The following MACROD1 variants were observed in gnomAD, a reference collection of about 807,000 sequenced individuals.
MACROD1 encodes the protein ADP-ribose glycohydrolase MACROD1.
In MACROD1, 31 loss-of-function variants were observed where a neutral mutation model predicts 41.4. The ratio of observed to expected loss-of-function variants is 0.75; its 90% CI spans 0.56 to 1.01. The LOEUF (loss-of-function observed/expected upper bound fraction) is 1.01. Ranked by LOEUF, MACROD1 falls within the 50% of genes least tolerant of loss-of-function variation. The pLI is 0.00. For missense variants in MACROD1, 473 were observed against 460.0 expected (o/e 1.03, Z -0.26); for synonymous variants, 252 against 203.4 (o/e 1.24, Z -2.03).
chr11:64,095,068 A>T (rs539861006), intron 3 of MACROD1, among the ~76,000 whole-genome samples: 1 of 152,320 alleles, frequency 6.6e-6, no homozygotes, highest in East Asian at 1.9e-4. Context: ...CAGGCTCCCA[A>T]ATGAAAAGGA....
intron 3 of MACROD1, among the ~76,000 whole-genome samples, chr11:64,085,114 G>A (rs999389993): frequency 1.3e-5 from 2 of 152,252 alleles, no homozygotes; most frequent in Non-Finnish European, 2.9e-5. Context: ...AGCCCATGCA[G>A]TGGGGCACCA....
At chr11:64,059,272 C>T (rs758714547) in intron 3 of MACROD1, among the ~76,000 whole-genome samples, 2 of 152,144 alleles carry the variant, frequency 1.3e-5, no homozygotes, top group Non-Finnish European at 2.9e-5. Flanking sequence ...TGAGAGGTGC[C>T]GCCCTGTGAA....
intron 3 of MACROD1, among the ~76,000 whole-genome samples, chr11:64,030,053 A>G (rs1269715323): frequency 2.0e-5 from 3 of 151,056 alleles, no homozygotes; most frequent in Non-Finnish European, 4.4e-5. Flanking sequence ...TGGAACAACC[A>G]CCCCCCGGGT....
chr11:64,004,847 C>T (rs1476533136), intron 4 of MACROD1, among the ~76,000 whole-genome samples: 3 of 151,700 alleles, frequency 2.0e-5, no homozygotes, highest in Non-Finnish European at 4.4e-5. Flanking sequence ...CTCAGGAGTT[C>T]GAGACCAGCC....
At chr11:64,104,534 G>A (rs1189591356) in intron 3 of MACROD1, among the ~76,000 whole-genome samples, 1 of 152,182 alleles carries the variant, frequency 6.6e-6, no homozygotes, top group Non-Finnish European at 1.5e-5. Flanking sequence ...CCCTAAAGGT[G>A]GTAGCAGTGA....
At chr11:64,025,747 G>A (rs188989929) in intron 3 of MACROD1, among the ~76,000 whole-genome samples, 16 of 140,264 alleles carry the variant, frequency 1.1e-4, no homozygotes, top group African/African-American at 4.0e-4. Flanking sequence ...AGACGGTCTC[G>A]CTCTGTTGCC....
chr11:64,152,811 A>C (rs1945603070), intron 1 of MACROD1, among the ~76,000 whole-genome samples: 1 of 152,158 alleles, frequency 6.6e-6, no homozygotes, highest in South Asian at 2.1e-4. Context: ...AGCCAGCGAC[A>C]TTATCCATCA....
chr11:64,164,918 C>T (rs943893578), intron 1 of MACROD1, among the ~76,000 whole-genome samples: 1 of 151,334 alleles, frequency 6.6e-6, no homozygotes, highest in Non-Finnish European at 1.5e-5. Context: ...TCTCTCTCTC[C>T]CCAGGCCCCA....
At chr11:64,092,104 G>A (rs7125717) in intron 3 of MACROD1, among the ~76,000 whole-genome samples, 192 of 152,320 alleles carry the variant, frequency 1.3e-3, no homozygotes, top group African/African-American at 4.2e-3. Context: ...AAAGGCCACC[G>A]TCCTTCCTGG....
chr11:64,121,147 A>G (rs1251854540), intron 3 of MACROD1, among the ~76,000 whole-genome samples: 2 of 151,964 alleles, frequency 1.3e-5, no homozygotes, highest in African/African-American at 4.8e-5. Flanking sequence ...CTCCGAGACA[A>G]GGCCTGAGTG....
chr11:64,084,177 A>G (rs765549622), intron 3 of MACROD1, among the ~76,000 whole-genome samples: 4 of 152,106 alleles, frequency 2.6e-5, no homozygotes, highest in Non-Finnish European at 5.9e-5. Flanking sequence ...GCAGTCCTGG[A>G]GGATGCTGCC....
At chr11:64,103,583 A>AT (rs1464663088) in intron 3 of MACROD1, 23 of 116,240 alleles carry the variant, frequency 2.0e-4, no homozygotes, top group East Asian at 1.6e-3. Flanking sequence ...ACTTAAAGGA[A>AT]TTAAAAAAAA....
chr11:64,164,854 G>A (rs562287881), intron 1 of MACROD1, among the ~76,000 whole-genome samples: 20 of 152,286 alleles, frequency 1.3e-4, no homozygotes, highest in African/African-American at 4.8e-4. Context: ...TGAAAGGCAG[G>A]GGCAGCTGGG....
At chr11:64,049,967 G>T (rs553239007) in intron 3 of MACROD1, among the ~76,000 whole-genome samples, 1 of 152,220 alleles carries the variant, frequency 6.6e-6, no homozygotes, top group East Asian at 1.9e-4. Flanking sequence ...CCTAGCGATC[G>T]CACAGAGCCA....
At chr11:64,048,938 G>A (rs1943637981) in intron 3 of MACROD1, among the ~76,000 whole-genome samples, 1 of 151,856 alleles carries the variant, frequency 6.6e-6, no homozygotes. Flanking sequence ...AAAGCAGTCT[G>A]GTGTGAGGGA....
intron 4 of MACROD1, among the ~76,000 whole-genome samples, chr11:64,006,438 C>T (rs1409405013): frequency 2.0e-5 from 3 of 152,204 alleles, no homozygotes; most frequent in Admixed American, 1.3e-4. Context: ...GGTGCCAAGG[C>T]GGGTGGGTGC....
chr11:64,038,475 G>A (rs1332650745), intron 3 of MACROD1, among the ~76,000 whole-genome samples: 1 of 152,210 alleles, frequency 6.6e-6, no homozygotes, highest in Non-Finnish European at 1.5e-5. Flanking sequence ...CCTTGACCCT[G>A]CGGGTGTTGA....
chr11:64,156,399 G>A (rs1005508323), intron 1 of MACROD1, among the ~76,000 whole-genome samples: 1 of 152,236 alleles, frequency 6.6e-6, no homozygotes. Context: ...TGGCCAGAAA[G>A]TCAGGTACCC....
chr11:64,111,492 C>T (rs930371673), intron 3 of MACROD1, among the ~76,000 whole-genome samples: 9 of 152,222 alleles, frequency 5.9e-5, no homozygotes, highest in South Asian at 2.1e-4. Flanking sequence ...ATAACCTTCA[C>T]GAGCCTGGCT....
Sources: gnomAD v4.1 joint callset for allele counts (sites outside exome capture counted in the v4.1 genomes callset) on GRCh38, gnomAD v4.1.1 for gene constraint, MANE v1.5 for transcripts, NCBI Gene and HGNC (gene_info 2026-07-23, HGNC 2026-07-21) for gene names.